The following RABEP1 variants were observed in gnomAD, a reference collection of about 807,000 sequenced individuals.
The protein encoded by RABEP1 is rab GTPase-binding effector protein 1.
In RABEP1, 51 loss-of-function variants were observed where a neutral mutation model predicts 123.4. The observed-to-expected ratio is 0.41, with a 90% confidence interval of 0.33 to 0.52. RABEP1 has a LOEUF of 0.52. Among genes scored for constraint, RABEP1 ranks in the 20% least tolerant of loss-of-function variants. RABEP1 has a pLI of 0.16. For synonymous variants in RABEP1, 347 were observed against 355.2 expected, an observed-to-expected ratio of 0.98 and a Z score of 0.26; for missense variants, 888 against 996.3, an observed-to-expected ratio of 0.89 and a Z score of 1.46.
At chr17:5,332,596 A>ATTTTTTTTTTTT (rs553120401) in intron 3 of RABEP1, among the ~76,000 whole-genome samples, 1 of 105,916 alleles carries the variant, frequency 9.4e-6, no homozygotes, top group African/African-American at 3.7e-5. Context: ...ACGTTTTAGA[A>ATTTTTTTTTTTT]TTTTTTTTTT....
intron 5 of RABEP1, among the ~76,000 whole-genome samples, chr17:5,340,638 T>TAA (rs1907511707): frequency 1.9e-5 from 2 of 103,186 alleles, no homozygotes; most frequent in East Asian, 5.7e-4. Flanking sequence ...TGCCAGATCT[T>TAA]TAAAAAAAAA....
At position 5,373,470 on chromosome 17, in the gene RABEP1, C is replaced by A; in HGVS notation, c.2025+16C>A. Reference sequence around the variant, plus strand: ...CACTACAGAGGTAACTTACTTTCCACATGATCAAAAATGTCAACAAGTACG... The same window carrying A: ...CACTACAGAGGTAACTTACTTTCCAAATGATCAAAAATGTCAACAAGTACG... On this transcript the variant is annotated intron_variant, in intron 13 of 17. Coordinates refer to ENST00000537505, the MANE Select transcript of RABEP1 (RefSeq NM_004703.6). The A allele has an allele frequency of 6.3e-7, 1 of 1,582,516 alleles. No individual in the cohort carries two copies. Among genetic ancestry groups the A allele is most frequent in the South Asian group, 1.2e-5 (1 of 86,396 alleles).
chr17:5,323,358 C>A (rs999363507), intron 2 of RABEP1, among the ~76,000 whole-genome samples: 1 of 152,078 alleles, frequency 6.6e-6, no homozygotes, highest in South Asian at 2.1e-4. Context: ...GCAGCCAGAA[C>A]ACTTAGGCAA....
chr17:5,285,289 C>G (rs979356180), intron 1 of RABEP1, among the ~76,000 whole-genome samples: 9 of 149,106 alleles, frequency 6.0e-5, no homozygotes, highest in African/African-American at 2.2e-4. Flanking sequence ...TTTTACTTCA[C>G]TTTTTTTCTT....
At chr17:5,323,709 TATATATATCTA>T in intron 2 of RABEP1, among the ~76,000 whole-genome samples, 1 of 98,010 alleles carries the variant, frequency 1.0e-5, no homozygotes, top group African/African-American at 5.0e-5. Context: ...TAGGAATATA[TATATATATCTA>T]GGAATATATA....
At position 5,346,783 on chromosome 17, in the gene RABEP1, CT is replaced by C; in HGVS notation, c.649-4del. 6.6e-7 allele frequency: 1 copy of C among 1,517,588 alleles called. No individual in the cohort carries two copies. The highest frequency in any genetic ancestry group is 8.9e-7 in the Non-Finnish European group (1 of 1,126,740). The allele number at this position is 1,517,588 out of a possible 1,614,324, so 94.0% of individuals were successfully genotyped here. On this transcript the variant is annotated splice_polypyrimidine_tract_variant and splice_region_variant and intron_variant, in intron 5 of 17. Coordinates refer to ENST00000537505, the MANE Select transcript of RABEP1 (RefSeq NM_004703.6). ...TTTCAGTTTAATGGAATTGCATCTT[CT>C]TTCAGGTTAAAGAACTGAATCATTA...
At chr17:5,350,731 C>A in intron 7 of RABEP1, 102 bp downstream of exon 7, 1 of 1,297,176 alleles carries the variant, frequency 7.7e-7, no homozygotes, top group Non-Finnish European at 1.1e-6. Context: ...TAAGCTGCAA[C>A]AAGGTGATAA....
rs2075342425 is a variant in RABEP1 at position 5,320,429 on chromosome 17, AAAAAAAAAAAAAAAAG to A, written c.164-11514_164-11499del. Among the ~76,000 whole-genome samples, 3 of 146,554 alleles carry A rather than the reference AAAAAAAAAAAAAAAAG, an allele frequency of 2.0e-5. No individual in the cohort carries two copies. In the South Asian group the frequency reaches 6.4e-4, roughly 31 times the overall value. ...AAAAAATGCTAACACACCAAAAAAA[AAAAAAAAAAAAAAAAG>A]AAAAAGAAACACACTGGTAAAATTA... On this transcript the variant is annotated intron_variant, in intron 2 of 17. Transcript: ENST00000537505.
chr17:5,311,081 A>C (rs914736244), intron 2 of RABEP1, among the ~76,000 whole-genome samples: 8 of 152,012 alleles, frequency 5.3e-5, no homozygotes, highest in Non-Finnish European at 1.2e-4. Context: ...GAGTGCTGGG[A>C]TTACAGGCGT....
At position 5,361,278 on chromosome 17, in the gene RABEP1, C is replaced by G; in HGVS notation, c.1166C>G (p.Pro389Arg). 6.2e-7 allele frequency: 1 copy of G among 1,614,178 alleles called. No homozygotes were observed. Among genetic ancestry groups the G allele is most frequent in the Non-Finnish European group, 8.5e-7 (1 of 1,180,038 alleles). The change falls in exon 9 of 18, where the codon CCT becomes CGT. Residue 389 changes from proline (P) to arginine (R), a missense_variant. Physicochemically the swap from Pro to Arg is moderately radical, Grantham distance 103. Coordinates refer to ENST00000537505, the MANE Select transcript of RABEP1 (RefSeq NM_004703.6). ...GGCTTGCTGTTGCCATCTGGAGATC[C>G]TTTCAGTAAATCGGACAATGACATG... ...DAGLLLPSGD[P>R]FSKSDNDMFK... is the part of the protein sequence containing the mutation.
At chr17:5,378,561 A>G (rs569076070) in intron 15 of RABEP1, 1 of 342,558 alleles carries the variant, frequency 2.9e-6, no homozygotes, top group South Asian at 2.9e-5. Context: ...AAACATTACA[A>G]ACAAGAGATG....
At position 5,299,719 on chromosome 17, in the gene RABEP1, C is replaced by CTTTTCTTTTT. The variant is rs2075116264; in HGVS notation, c.35-8971_35-8970insCTTTTTTTTT. Among the ~76,000 whole-genome samples, 39 of 98,848 alleles carry CTTTTCTTTTT rather than the reference C, an allele frequency of 3.9e-4. 1 individual carries two copies. The highest frequency in any genetic ancestry group is 6.4e-4 in the African/African-American group (17 of 26,540). 64.8% of individuals were successfully genotyped at this position (98,848 alleles called of 152,430 possible). On this transcript the variant is annotated intron_variant, in intron 1 of 17. Coordinates refer to ENST00000537505, the MANE Select transcript of RABEP1 (RefSeq NM_004703.6). ...TCATTTCTTTTTCTTTTTTTCTTTTCTTTTTCTTTTTCTTTTTTTTTTTTT... is the reference window on the plus strand; with the variant it reads ...TCATTTCTTTTTCTTTTTTTCTTTTCTTTTCTTTTTTTTTTCTTTTTCTTTTTTTTTTTTT...
chr17:5,315,636 A>C (rs1181060434), intron 2 of RABEP1, among the ~76,000 whole-genome samples: 2 of 152,172 alleles, frequency 1.3e-5, no homozygotes, highest in Non-Finnish European at 2.9e-5. Context: ...GGATCACTTG[A>C]GGTCAGGAGT....
At chr17:5,291,244 A>C (rs140237648) in intron 1 of RABEP1, among the ~76,000 whole-genome samples, 7,695 of 152,068 alleles carry the variant, frequency 0.051, 334 homozygotes, top group African/African-American at 0.12. Flanking sequence ...CCCCGTCTCT[A>C]CTAAAAATAC....
At chr17:5,288,417 A>G (rs1304874586) in intron 1 of RABEP1, among the ~76,000 whole-genome samples, 1 of 152,010 alleles carries the variant, frequency 6.6e-6, no homozygotes, top group African/African-American at 2.4e-5. Context: ...ATTTTTTGAG[A>G]TGGAATCTCG....
intron 11 of RABEP1, among the ~76,000 whole-genome samples, chr17:5,367,422 C>T (rs889922574): frequency 5.3e-5 from 8 of 151,826 alleles, no homozygotes; most frequent in East Asian, 2.0e-4. Context: ...CAGGCACCCG[C>T]CACCACGCCC....
chr17:5,353,179 T>G (rs1908716083), intron 7 of RABEP1, among the ~76,000 whole-genome samples: 1 of 152,192 alleles, frequency 6.6e-6, no homozygotes, highest in African/African-American at 2.4e-5. Context: ...ACAGAACTCC[T>G]CCACAGGCCT....
intron 5 of RABEP1, among the ~76,000 whole-genome samples, chr17:5,342,688 A>G (rs112572336): frequency 6.6e-6 from 1 of 152,230 alleles, no homozygotes; most frequent in Non-Finnish European, 1.5e-5. Context: ...TTAATTAGGA[A>G]CTTGATAATT....
At chr17:5,351,548 C>T (rs998553799) in intron 7 of RABEP1, among the ~76,000 whole-genome samples, 1 of 152,154 alleles carries the variant, frequency 6.6e-6, no homozygotes, top group Non-Finnish European at 1.5e-5. Flanking sequence ...GTAATCCCAA[C>T]ACTTTGGGAG....
Sources: gnomAD v4.1 joint callset for allele counts (sites outside exome capture counted in the v4.1 genomes callset) on GRCh38, gnomAD v4.1.1 for gene constraint, MANE v1.5 for transcripts, NCBI Gene and HGNC (gene_info 2026-07-23, HGNC 2026-07-21) for gene names.